PCNT: variants seen among roughly 807,000 people sequenced by gnomAD.
The protein encoded by PCNT is kendrin.
In PCNT, 319 loss-of-function variants were observed where a neutral mutation model predicts 380.4. That is an observed-to-expected ratio of 0.84 (90% confidence interval 0.77 to 0.92). The LOEUF is 0.92. Among genes scored for constraint, PCNT ranks in the 40% least tolerant of loss-of-function variants. The probability of loss-of-function intolerance (pLI) is 0.00; values close to 1 mark genes in which losing one functional copy is unlikely to be tolerated. For missense variants in PCNT, 4,400 were observed against 4,255.3 expected (o/e 1.03, Z -0.95); for synonymous variants, 1,845 against 1,735.2 (o/e 1.06, Z -1.57).
At chr21:46,418,412 C>A (rs531640177) in intron 31 of PCNT, 106 bp downstream of exon 31, 2 of 753,178 alleles carry the variant, frequency 2.7e-6, no homozygotes, top group Non-Finnish European at 4.7e-6. Context: ...GTCTGCCCCC[C>A]GCTGACCTCC....
chr21:46,421,853 G>T (rs530077693), intron 31 of PCNT, 117 bp from the exon 32 acceptor site: 1 of 1,099,662 alleles, frequency 9.1e-7, no homozygotes, highest in Non-Finnish European at 1.3e-6. Context: ...GCAGAATCAC[G>T]GTGTGGTTGT....
chr21:46,333,803 A>G (rs1014813115), intron 2 of PCNT, among the ~76,000 whole-genome samples: 3 of 151,314 alleles, frequency 2.0e-5, no homozygotes, highest in African/African-American at 7.3e-5. Context: ...GTGCAACTGC[A>G]TTGCAGCCTG....
Position 46,402,493 on chromosome 21 carries a change from C to G in PCNT, c.5115+10C>G. 6.2e-7 allele frequency: 1 copy of G among 1,613,758 alleles called. No homozygotes were observed. The highest frequency in any genetic ancestry group is 8.5e-7 in the Non-Finnish European group (1 of 1,179,780). ...GAACACGAGCTTGAAGGTAAGCTAC[C>G]AAAGGTCCACGTGACGCCCGAGTTC... On this transcript the variant is annotated intron_variant, in intron 27 of 46. Coordinates refer to ENST00000359568, the MANE Select transcript of PCNT (RefSeq NM_006031.6).
intron 6 of PCNT, among the ~76,000 whole-genome samples, chr21:46,347,823 G>A (rs1264791129): frequency 6.6e-6 from 1 of 152,206 alleles, no homozygotes; most frequent in Non-Finnish European, 1.5e-5. Flanking sequence ...CTGCCCTCGT[G>A]GATGTGGCAG....
At chr21:46,438,134 T>A (rs1272282513) in intron 40 of PCNT, 30 bp from the exon 41 acceptor site, 2 of 1,589,196 alleles carry the variant, frequency 1.3e-6, no homozygotes, top group Admixed American at 1.7e-5. Context: ...TAACAACAAA[T>A]TCTTACAAAT....
chr21:46,367,394 G>A (rs901636878), intron 15 of PCNT, among the ~76,000 whole-genome samples: 2 of 147,438 alleles, frequency 1.4e-5, no homozygotes, highest in African/African-American at 2.5e-5. Context: ...TGCAACCTCC[G>A]CCTCCTGGGT....
chr21:46,443,945 G>T lies in PCNT; in HGVS notation c.9836G>T (p.Gly3279Val). 1 of 1,612,056 alleles carries T rather than the reference G, an allele frequency of 6.2e-7. No homozygotes were observed. The highest frequency in any genetic ancestry group is 1.1e-5 in the South Asian group (1 of 90,998). The change falls in exon 45 of 47, where the codon GGA (glycine) becomes GTA (valine). Residue 3279 changes from glycine to valine, a missense_variant. Coordinates refer to ENST00000359568, the MANE Select transcript of PCNT (RefSeq NM_006031.6). Reference sequence around the variant, plus strand: ...GCAGCAGCCTCCCCACACAGTGGGGGAAGGTCAGTGTGATGCCTTCAGGCC... The same window carrying T: ...GCAGCAGCCTCCCCACACAGTGGGGTAAGGTCAGTGTGATGCCTTCAGGCC... ...LAAAASPHSG[G>V]RATPSPNSRL...
chr21:46,383,236 T>C (rs186975403), intron 16 of PCNT, among the ~76,000 whole-genome samples: 893 of 146,412 alleles, frequency 6.1e-3, no homozygotes, highest in African/African-American at 0.022. Context: ...GGAAGCGCAT[T>C]CACAGTGTTG....
At chr21:46,407,757 G>T (rs764041462) in intron 27 of PCNT, among the ~76,000 whole-genome samples, 8 of 152,074 alleles carry the variant, frequency 5.3e-5, no homozygotes, top group Non-Finnish European at 1.0e-4. Context: ...TAGTGAGTTC[G>T]TGTTTTCTCT....
chr21:46,393,713 C>T (rs974672330), intron 21 of PCNT, among the ~76,000 whole-genome samples: 2 of 152,214 alleles, frequency 1.3e-5, no homozygotes, highest in South Asian at 2.1e-4. Context: ...GTGCCTGTGT[C>T]GTGCCCTGGG....
intron 1 of PCNT, chr21:46,324,866 C>T (rs1007356984): frequency 3.0e-6 from 3 of 985,268 alleles, no homozygotes; most frequent in Admixed American, 6.1e-5. Flanking sequence ...GTCGGAGATG[C>T]TTTCCCCGCG....
chr21:46,426,507 A>C (rs2087513405), intron 33 of PCNT, among the ~76,000 whole-genome samples: 1 of 152,062 alleles, frequency 6.6e-6, no homozygotes, highest in Non-Finnish European at 1.5e-5. Context: ...GCCTGCGGGG[A>C]GGCTGAGAGT....
At position 46,326,601 on chromosome 21, in the gene PCNT, C is replaced by T. The variant is rs1380160966; in HGVS notation, c.267+12C>T. The T allele has an allele frequency of 6.2e-7, 1 of 1,609,888 alleles. No individual in the cohort carries two copies. The highest frequency in any genetic ancestry group is 1.3e-5 in the African/African-American group (1 of 74,818). ...CCTTTGCAGCTCAGGTAGATTTGCT[C>T]AATGTTGTATTTGAACATTTCGCTT... On this transcript the variant is annotated intron_variant, in intron 2 of 46. Coordinates refer to ENST00000359568, the MANE Select transcript of PCNT (RefSeq NM_006031.6).
At chr21:46,381,404 AC>A (rs2085535408) in intron 15 of PCNT, among the ~76,000 whole-genome samples, 2 of 152,152 alleles carry the variant, frequency 1.3e-5, no homozygotes, top group African/African-American at 4.8e-5. Flanking sequence ...TAAAGATGTT[AC>A]AGGAGCCATT....
At chr21:46,348,980 A>G (rs1358215530) in intron 6 of PCNT, 32 bp from the exon 7 acceptor site, 3 of 1,366,652 alleles carry the variant, frequency 2.2e-6, no homozygotes, top group East Asian at 2.3e-5. Flanking sequence ...ATAATCAACT[A>G]TTGAGTTTAA....
intron 4 of PCNT, 71 bp downstream of exon 4, chr21:46,346,279 G>T: frequency 2.7e-6 from 2 of 750,364 alleles, no homozygotes; most frequent in Non-Finnish European, 4.6e-6. Context: ...GTGGGCATCC[G>T]GGTGGGGGTG....
intron 40 of PCNT, among the ~76,000 whole-genome samples, chr21:46,437,582 T>C (rs931173125): frequency 6.6e-6 from 1 of 152,268 alleles, no homozygotes; most frequent in Non-Finnish European, 1.5e-5. Context: ...AAGTCTGAGC[T>C]CACTGTAAGC....
At chr21:46,426,069 C>CTTTTTT (rs760416456) in intron 33 of PCNT, 98 bp downstream of exon 33, 84 of 308,956 alleles carry the variant, frequency 2.7e-4, no homozygotes, top group South Asian at 3.5e-4. Context: ...GGATTTCTTT[C>CTTTTTT]TTTTTTTTTT....
Position 46,329,980 on chromosome 21 carries a change from C to T in PCNT, c.267+3391C>T, listed in dbSNP as rs1187498735. On this transcript the variant is annotated intron_variant, in intron 2 of 46. Coordinates refer to ENST00000359568, the MANE Select transcript of PCNT (RefSeq NM_006031.6). ...GCTTGACATCAGCAGAGACATACCT[C>T]CTCTTCCTGTCCATTGGCTCTAAAA... is the stretch of plus-strand genomic sequence containing the variant. Among the ~76,000 whole-genome samples, 4 of 152,182 alleles carry T rather than the reference C, an allele frequency of 2.6e-5. No homozygotes were observed. In the East Asian group the frequency reaches 7.7e-4, roughly 29 times the overall value.
Sources: gnomAD v4.1 joint callset for allele counts (sites outside exome capture counted in the v4.1 genomes callset) on GRCh38, gnomAD v4.1.1 for gene constraint, MANE v1.5 for transcripts, NCBI Gene and HGNC (gene_info 2026-07-23, HGNC 2026-07-21) for gene names.